Variants in USP54 observed in about 807,000 individuals in gnomAD.
USP54 encodes ubiquitin specific peptidase 54, also known as ubiquitin carboxyl-terminal hydrolase 54.
A neutral mutation model predicts 170.5 loss-of-function variants in USP54; 87 were observed. The ratio of observed to expected loss-of-function variants is 0.51; its 90% CI spans 0.43 to 0.61. The LOEUF (loss-of-function observed/expected upper bound fraction) is 0.61. USP54 is among the 20% of genes least tolerant of loss of function. The pLI is 0.00. For missense variants in USP54, 1,786 were observed against 2,047.8 expected, an observed-to-expected ratio of 0.87 and a Z score of 2.47; for synonymous variants, 655 against 742.8, an observed-to-expected ratio of 0.88 and a Z score of 1.92.
chr10:73,577,448 CCTA>C (rs1292632377), intron 1 of USP54, among the ~76,000 whole-genome samples: 1 of 152,116 alleles, frequency 6.6e-6, no homozygotes, highest in Non-Finnish European at 1.5e-5. Flanking sequence ...GATTATACAG[CCTA>C]CTGTCACATT....
intron 20 of USP54, among the ~76,000 whole-genome samples, chr10:73,507,669 CAAAAAA>C (rs913305815): frequency 4.5e-5 from 1 of 22,470 alleles, no homozygotes; most frequent in African/African-American, 1.8e-4. Flanking sequence ...GACTCCGTCG[CAAAAAA>C]AAAAAAAAAA....
chr10:73,586,521 T>C (rs929051308), intron 1 of USP54, among the ~76,000 whole-genome samples: 2 of 152,218 alleles, frequency 1.3e-5, no homozygotes, highest in African/African-American at 4.8e-5. Context: ...AGGTTGAATA[T>C]AATAGGCATT....
intron 1 of USP54, among the ~76,000 whole-genome samples, chr10:73,600,517 T>C (rs926763362): frequency 6.6e-6 from 1 of 152,214 alleles, no homozygotes; most frequent in Non-Finnish European, 1.5e-5. Flanking sequence ...TTTAACTCTG[T>C]ATAAATCTAG....
intron 4 of USP54, among the ~76,000 whole-genome samples, chr10:73,565,466 TA>T (rs2073544376): frequency 6.6e-6 from 1 of 151,956 alleles, no homozygotes; most frequent in Non-Finnish European, 1.5e-5. Flanking sequence ...CAGTGAACCA[TA>T]ATAGCCCCAC....
Position 73,521,157 on chromosome 10 carries a change from T to G in USP54, c.2363-130A>C, listed in dbSNP as rs2061825711. 7 of 1,256,624 alleles carry G rather than the reference T, an allele frequency of 5.6e-6. No individual in the cohort carries two copies. In the South Asian group the frequency reaches 1.1e-4, roughly 19 times the overall value. The allele number at this position is 1,256,624 out of a possible 1,614,324, so 77.8% of individuals were successfully genotyped here. On this transcript the variant is annotated intron_variant, in intron 17 of 23. Coordinates refer to ENST00000687698, the MANE Select transcript of USP54 (RefSeq NM_001391956.1). ...GTCTACCCTTATTCCAACTGTCTATTCCTATTAAGAATTATCTGAAAACAA... is the reference window on the plus strand; with the variant it reads ...GTCTACCCTTATTCCAACTGTCTATGCCTATTAAGAATTATCTGAAAACAA...
At chr10:73,524,781 A>C (rs1168659284) in intron 16 of USP54, among the ~76,000 whole-genome samples, 1 of 152,222 alleles carries the variant, frequency 6.6e-6, no homozygotes, top group Admixed American at 6.5e-5. Flanking sequence ...GAGGAAACTG[A>C]GTCACAGGAG....
At chr10:73,584,281 G>A (rs1179089082) in intron 1 of USP54, among the ~76,000 whole-genome samples, 2 of 151,980 alleles carry the variant, frequency 1.3e-5, no homozygotes, top group African/African-American at 2.4e-5. Flanking sequence ...CCAGCTACTC[G>A]GGAGGCTGAG....
At chr10:73,544,390 C>A (rs942540165) in intron 5 of USP54, among the ~76,000 whole-genome samples, 1 of 152,126 alleles carries the variant, frequency 6.6e-6, no homozygotes, top group African/African-American at 2.4e-5. Context: ...TTTGTTTAAC[C>A]GTCTACTCAC....
chr10:73,567,122 AC>A (rs2074028716), intron 4 of USP54, among the ~76,000 whole-genome samples: 1 of 150,932 alleles, frequency 6.6e-6, no homozygotes, highest in Admixed American at 6.6e-5. Flanking sequence ...CAGGTGATCC[AC>A]CCGCCTCAGC....
At chr10:73,612,839 C>CAAAAA (rs756355670) in intron 1 of USP54, among the ~76,000 whole-genome samples, 6 of 42,116 alleles carry the variant, frequency 1.4e-4, no homozygotes, top group African/African-American at 3.6e-4. Context: ...GACATTGTCT[C>CAAAAA]AAAAAAAAAA....
chr10:73,593,129 C>A (rs1174557499), upstream of USP54, among the ~76,000 whole-genome samples: 6 of 151,314 alleles, frequency 4.0e-5, no homozygotes, highest in Admixed American at 6.6e-5. Flanking sequence ...GAGGCCATTG[C>A]GGGAGGATCA....
At chr10:73,534,114 C>T (rs1321252693) in intron 12 of USP54, among the ~76,000 whole-genome samples, 1 of 152,214 alleles carries the variant, frequency 6.6e-6, no homozygotes, top group Non-Finnish European at 1.5e-5. Context: ...TCATTCAAAA[C>T]TGTGTTGCTT....
At chr10:73,552,177 T>A (rs1293794469) in intron 4 of USP54, among the ~76,000 whole-genome samples, 2 of 152,202 alleles carry the variant, frequency 1.3e-5, no homozygotes, top group East Asian at 3.9e-4. Flanking sequence ...AAGGCTTCAG[T>A]TTCTCTTTTA....
Position 73,541,747 on chromosome 10 carries a change from T to C in USP54, c.573-9A>G, listed in dbSNP as rs112253589. 12 of 1,613,152 alleles carry C rather than the reference T, an allele frequency of 7.4e-6. No individual in the cohort carries two copies. In the Admixed American group the frequency reaches 1.7e-4, roughly 22 times the overall value. Reference sequence around the variant, plus strand: ...TACAAATAGCCTGATTGCTTCAAGATGGGGAATAGAAGGGGGATGATGGTT... The same window carrying C: ...TACAAATAGCCTGATTGCTTCAAGACGGGGAATAGAAGGGGGATGATGGTT... On this transcript the variant is annotated splice_polypyrimidine_tract_variant and intron_variant, in intron 7 of 23. Transcript: ENST00000687698.
chr10:73,579,630 A>C (rs1010928935), intron 1 of USP54, among the ~76,000 whole-genome samples: 2 of 151,926 alleles, frequency 1.3e-5, no homozygotes, highest in Admixed American at 6.6e-5. Flanking sequence ...GGTGGCAGAC[A>C]TCTGTAATCT....
At chr10:73,567,172 T>C (rs1292684836) in intron 4 of USP54, among the ~76,000 whole-genome samples, 2 of 151,722 alleles carry the variant, frequency 1.3e-5, no homozygotes, top group Non-Finnish European at 2.9e-5. Flanking sequence ...AGCCACCACA[T>C]CCTGCCGGTA....
chr10:73,570,447 T>C (rs2133789389), intron 4 of USP54, among the ~76,000 whole-genome samples: 1 of 150,322 alleles, frequency 6.7e-6, no homozygotes, highest in South Asian at 2.1e-4. Flanking sequence ...AACTAAACAA[T>C]ACATGGGGTA....
intron 20 of USP54, among the ~76,000 whole-genome samples, chr10:73,514,587 T>C (rs1303613719): frequency 6.6e-6 from 1 of 151,188 alleles, no homozygotes; most frequent in Non-Finnish European, 1.5e-5. Flanking sequence ...ATTATTTGTG[T>C]ATTCTTGCTT....
chr10:73,519,820 C>T lies in USP54; in HGVS notation c.2655G>A (p.Ala885=), dbSNP rs772152022. Residue 885 remains alanine (A), a synonymous_variant, in exon 19 of 24, where the codon GCG becomes GCA. Transcript: ENST00000687698. ...ACCTTGTTGGCTGAGAGAGAGTCCC[C>T]GCCTGTGTTGGGAGGCAGGCTGAGG... is the stretch of plus-strand genomic sequence containing the variant. ...SQPSACLPTQ[A]GTLSQPTSEQ... 14 of 1,613,858 alleles carry T rather than the reference C, an allele frequency of 8.7e-6. No individual in the cohort carries two copies. The highest frequency in any genetic ancestry group is 7.7e-5 in the South Asian group (7 of 91,074).
Sources: gnomAD v4.1 joint callset for allele counts (sites outside exome capture counted in the v4.1 genomes callset) on GRCh38, gnomAD v4.1.1 for gene constraint, MANE v1.5 for transcripts, NCBI Gene and HGNC (gene_info 2026-07-23, HGNC 2026-07-21) for gene names.